PLCB4: variants seen among roughly 807,000 people sequenced by gnomAD.
PLCB4 encodes 1-phosphatidylinositol 4,5-bisphosphate phosphodiesterase beta-4.
PLCB4 carries 77 observed loss-of-function variants against 178.8 expected under a neutral mutation model. That is an observed-to-expected ratio of 0.43 (90% CI 0.36 to 0.52). The LOEUF (loss-of-function observed/expected upper bound fraction) is 0.52. Ranked by LOEUF, PLCB4 falls within the 20% of genes least tolerant of loss-of-function variation. The pLI is 0.00. For synonymous variants in PLCB4, 496 were observed against 490.8 expected (o/e 1.01, Z -0.14); for missense variants, 1,024 against 1,453.4 (o/e 0.70, Z 4.80).
chr20:9,419,345 A>G (rs1322248163), intron 25 of PLCB4, among the ~76,000 whole-genome samples: 1 of 152,206 alleles, frequency 6.6e-6, no homozygotes, highest in Non-Finnish European at 1.5e-5. Flanking sequence ...CTATTGTTAC[A>G]GCTGTCTCAA....
intron 20 of PLCB4, among the ~76,000 whole-genome samples, chr20:9,404,897 G>T (rs1175612175): frequency 6.6e-6 from 1 of 152,080 alleles, no homozygotes; most frequent in African/African-American, 2.4e-5. Context: ...ATCTTCAAAT[G>T]CCATCACATG....
intron 28 of PLCB4, among the ~76,000 whole-genome samples, chr20:9,430,527 G>A (rs923595011): frequency 2.0e-5 from 3 of 152,166 alleles, no homozygotes; most frequent in South Asian, 4.1e-4. Flanking sequence ...AGCATGTTAG[G>A]ATCTGGCATC....
intron 32 of PLCB4, 88 bp downstream of exon 32, chr20:9,444,331 A>G: frequency 1.3e-6 from 1 of 762,102 alleles, no homozygotes; most frequent in Non-Finnish European, 2.3e-6. Flanking sequence ...ATACCAGACC[A>G]CTTAACAGTA....
Position 9,459,791 on chromosome 20 carries a change from C to G in PLCB4, c.3229C>G (p.Leu1077Val). 6.2e-7 allele frequency: 1 copy of G among 1,608,368 alleles called. No homozygotes were observed. Among genetic ancestry groups the G allele is most frequent in the Non-Finnish European group, 8.5e-7 (1 of 1,175,382 alleles). The part of the protein sequence containing the change: ...INAHEQQTQQ[L>V]KLSHDRESKE... ...TGCCCACGAGCAGCAAACCCAGCAG[C>G]TGAAACTGTCCCATGACAGGTGGGG... Residue 1077 changes from leucine to valine, a missense_variant, in exon 35 of 40, where the codon CTG (leucine) becomes GTG (valine). Physicochemically the swap from Leu to Val is conservative, Grantham distance 32 (BLOSUM62 1). This residue lies in a region of PLCB4 where 264 missense variants were observed against 283.2 expected (regional missense o/e 0.93). Transcript: ENST00000378473.
intron 2 of PLCB4, among the ~76,000 whole-genome samples, chr20:9,203,368 G>A: frequency 6.6e-6 from 1 of 152,074 alleles, no homozygotes; most frequent in East Asian, 1.9e-4. Context: ...AGATTGAACA[G>A]GAAACCAGCT....
intron 3 of PLCB4, among the ~76,000 whole-genome samples, chr20:9,223,101 T>C (rs2093819521): frequency 6.6e-6 from 1 of 152,088 alleles, no homozygotes; most frequent in Non-Finnish European, 1.5e-5. Flanking sequence ...TAGAAAAATT[T>C]TAAAGAGGAA....
intron 4 of PLCB4, among the ~76,000 whole-genome samples, chr20:9,318,048 G>C (rs925267122): frequency 2.0e-5 from 3 of 152,042 alleles, no homozygotes; most frequent in African/African-American, 7.2e-5. Flanking sequence ...TGCTCGGGAG[G>C]CTGAAGCAGA....
intron 28 of PLCB4, among the ~76,000 whole-genome samples, chr20:9,434,121 T>C (rs982854299): frequency 1.5e-4 from 23 of 152,186 alleles, no homozygotes; most frequent in Non-Finnish European, 3.1e-4. Context: ...GAATGGAAAG[T>C]TTAAGCAACC....
intron 2 of PLCB4, among the ~76,000 whole-genome samples, chr20:9,129,185 C>T (rs1414319055): frequency 6.6e-6 from 1 of 152,048 alleles, no homozygotes; most frequent in Non-Finnish European, 1.5e-5. Context: ...CATTTTTATG[C>T]CCAATTTCCA....
chr20:9,157,446 T>G lies in PLCB4; in HGVS notation c.-78-59944T>G, dbSNP rs537505438. ...TTTAAATACATTTTGGTTGGTGTCA[T>G]ATAGGTAAGGAATGGCAGCCTCATT... On this transcript the variant is annotated intron_variant, in intron 2 of 39. Coordinates refer to ENST00000378473, the MANE Select transcript of PLCB4 (RefSeq NM_001377142.1). 2.0e-5 allele frequency among the ~76,000 whole-genome samples: 3 copies of G among 152,238 alleles called. No individual in the cohort carries two copies. In the South Asian group the frequency reaches 6.2e-4, roughly 32 times the overall value.
chr20:9,125,800 C>G (rs2092098071), intron 2 of PLCB4, among the ~76,000 whole-genome samples: 1 of 152,118 alleles, frequency 6.6e-6, no homozygotes, highest in South Asian at 2.1e-4. Flanking sequence ...TAGTTCAGTC[C>G]TTTATTTCTC....
chr20:9,130,559 A>G (rs1265301803), intron 2 of PLCB4, among the ~76,000 whole-genome samples: 1 of 152,196 alleles, frequency 6.6e-6, no homozygotes, highest in Non-Finnish European at 1.5e-5. Flanking sequence ...TCCTCTTTAA[A>G]GTCATTGAAA....
chr20:9,340,065 A>T (rs113193699), intron 7 of PLCB4, among the ~76,000 whole-genome samples: 1 of 152,184 alleles, frequency 6.6e-6, no homozygotes, highest in African/African-American at 2.4e-5. Flanking sequence ...CATTAACCCT[A>T]TAATTGGAAA....
intron 2 of PLCB4, among the ~76,000 whole-genome samples, chr20:9,123,815 T>C (rs1173950831): frequency 1.3e-5 from 2 of 151,996 alleles, no homozygotes; most frequent in Non-Finnish European, 2.9e-5. Context: ...AACACAGTTA[T>C]TTACAGATCT....
At chr20:9,435,409 T>C (rs2041701288) in intron 28 of PLCB4, 151 bp from the exon 29 acceptor site, 1 of 488,898 alleles carries the variant, frequency 2.0e-6, no homozygotes. Flanking sequence ...CAACTAGCTG[T>C]GCCTTCCTCA....
At chr20:9,392,627 A>G (rs2038236441) in intron 17 of PLCB4, among the ~76,000 whole-genome samples, 1 of 152,146 alleles carries the variant, frequency 6.6e-6, no homozygotes. Context: ...CCTGCTCCAA[A>G]AGCTAAAGAG....
At chr20:9,385,404 A>G (rs1233825083) in intron 14 of PLCB4, among the ~76,000 whole-genome samples, 2 of 151,292 alleles carry the variant, frequency 1.3e-5, no homozygotes. Context: ...GCGGCCAGGC[A>G]GAGGTGCTCC....
intron 1 of PLCB4, among the ~76,000 whole-genome samples, chr20:9,077,176 A>C (rs908566102): frequency 2.0e-5 from 3 of 152,204 alleles, no homozygotes; most frequent in Non-Finnish European, 4.4e-5. Context: ...ATTGCATAAA[A>C]TTTGATAGTA....
chr20:9,426,111 GA>G lies in PLCB4; in HGVS notation c.2524+2168del, dbSNP rs112205366. On this transcript the variant is annotated intron_variant, in intron 28 of 39. Coordinates refer to ENST00000378473, the MANE Select transcript of PLCB4 (RefSeq NM_001377142.1). ...GCACCATCACACTCAGCATTTTCTA[GA>G]AAAAAAAATGTTTTTTTTCCCCTAG... 4.0e-3 allele frequency among the ~76,000 whole-genome samples: 581 copies of G among 145,290 alleles called. 8 individuals are homozygous for G. The highest frequency in any genetic ancestry group is 0.015 in the African/African-American group (557 of 38,120).
Sources: allele counts gnomAD v4.1 joint callset (sites outside exome capture counted in the v4.1 genomes callset), GRCh38; gene constraint gnomAD v4.1.1; regional missense constraint gnomAD v4.1.1; transcripts MANE v1.5; gene names NCBI Gene and HGNC (gene_info 2026-07-23, HGNC 2026-07-21).